Variants in PRPSAP1 observed in about 807,000 individuals in gnomAD.
PRPSAP1 encodes the protein phosphoribosyl pyrophosphate synthase-associated protein 1.
Under a neutral mutation model 39.4 loss-of-function variants are expected in PRPSAP1, and 31 were observed. The observed-to-expected ratio is 0.79, with a 90% confidence interval of 0.59 to 1.06. PRPSAP1 has a LOEUF of 1.06. Ranked by LOEUF, PRPSAP1 falls within the 50% of genes least tolerant of loss-of-function variation. The pLI is 0.00. For missense variants in PRPSAP1, 430 were observed against 511.6 expected, an observed-to-expected ratio of 0.84 and a Z score of 1.54; for synonymous variants, 212 against 192.6, an observed-to-expected ratio of 1.10 and a Z score of -0.83.
At chr17:76,325,161 G>C (rs1414758707) in intron 7 of PRPSAP1, among the ~76,000 whole-genome samples, 1 of 150,440 alleles carries the variant, frequency 6.6e-6, no homozygotes, top group Non-Finnish European at 1.5e-5. Flanking sequence ...TGTAATCCCA[G>C]CACTTTGGGA....
intron 7 of PRPSAP1, among the ~76,000 whole-genome samples, chr17:76,326,965 T>C (rs1358250213): frequency 3.9e-5 from 6 of 152,132 alleles, no homozygotes; most frequent in African/African-American, 1.4e-4. Context: ...AATGTTAAAT[T>C]TGGGGACTCC....
At chr17:76,330,158 C>T (rs1199713779) in intron 5 of PRPSAP1, 60 bp from the exon 6 acceptor site, 3 of 1,455,556 alleles carry the variant, frequency 2.1e-6, no homozygotes, top group Non-Finnish European at 2.9e-6. Flanking sequence ...CACCTGGATG[C>T]TGGTATTCAA....
In PRPSAP1 at chr17:76,332,316, C is replaced by T. The variant is rs748675047; in HGVS notation, c.410G>A (p.Arg137Lys). The change falls in exon 4 of 10, where the codon AGG (arginine) becomes AAG (lysine). Residue 137 changes from arginine to lysine, a missense_variant. Transcript: ENST00000446526. ...YFPYSKQSKM[R>K]KRGSIVCKLL... ...CTTGCACACAATGGAACCCCTCTTC[C>T]TCATCTTGCTCTGCTTGCTGTAGGG... The T allele has an allele frequency of 1.9e-5, 31 of 1,614,048 alleles. No homozygotes were observed. Among genetic ancestry groups the T allele is most frequent in the Non-Finnish European group, 2.5e-5 (30 of 1,180,040 alleles).
At chr17:76,345,070 C>T (rs1349078877) in intron 2 of PRPSAP1, among the ~76,000 whole-genome samples, 3 of 151,506 alleles carry the variant, frequency 2.0e-5, no homozygotes, top group Non-Finnish European at 4.4e-5. Flanking sequence ...CCCGTCTCTA[C>T]TAAAAACACA....
At chr17:76,326,170 C>A (rs1292055856) in intron 7 of PRPSAP1, among the ~76,000 whole-genome samples, 1 of 151,996 alleles carries the variant, frequency 6.6e-6, no homozygotes, top group Admixed American at 6.6e-5. Context: ...TGAATCCATA[C>A]TGATATAAAT....
intron 7 of PRPSAP1, among the ~76,000 whole-genome samples, chr17:76,320,969 G>A (rs1392584134): frequency 2.0e-5 from 3 of 151,292 alleles, no homozygotes; most frequent in African/African-American, 7.3e-5. Flanking sequence ...TTTTTGTAGA[G>A]ACAAGGTTTC....
chr17:76,325,234 G>C (rs1460900092), intron 7 of PRPSAP1, among the ~76,000 whole-genome samples: 1 of 150,672 alleles, frequency 6.6e-6, no homozygotes, highest in Non-Finnish European at 1.5e-5. Context: ...TCGGTGAAAT[G>C]CCGTCTCTAC....
rs2071065795 is a variant in PRPSAP1, at chr17:76,311,058, G to A, written c.*484C>T. ...ATGCTTCATTTTTCAATGGCTGTAG[G>A]CATAACAATTTCTGAAAGAAAAATA... On this transcript the variant is annotated 3_prime_UTR_variant, in exon 10 of 10. Coordinates refer to ENST00000446526, the MANE Select transcript of PRPSAP1 (RefSeq NM_002766.3). 6.6e-6 allele frequency: 1 copy of A among 152,248 alleles called. No homozygotes were observed. Among genetic ancestry groups the A allele is most frequent in the African/African-American group, 2.4e-5 (1 of 41,420 alleles). 9.4% of individuals were successfully genotyped at this position (152,248 alleles called of 1,614,324 possible).
intron 7 of PRPSAP1, among the ~76,000 whole-genome samples, chr17:76,315,726 T>G (rs1042091579): frequency 8.0e-6 from 1 of 124,632 alleles, no homozygotes; most frequent in Non-Finnish European, 1.7e-5. Context: ...TTTTTTTTTT[T>G]TTTCTTGAGA....
intron 7 of PRPSAP1, among the ~76,000 whole-genome samples, chr17:76,318,201 G>A (rs1453859137): frequency 6.6e-6 from 1 of 152,160 alleles, no homozygotes; most frequent in Non-Finnish European, 1.5e-5. Flanking sequence ...TGTAATTCCA[G>A]CACTTTTAGA....
At chr17:76,341,371 C>G (rs2143529737) in intron 3 of PRPSAP1, among the ~76,000 whole-genome samples, 1 of 151,690 alleles carries the variant, frequency 6.6e-6, no homozygotes, top group Middle Eastern at 3.4e-3. Context: ...CCGAGTAGCT[C>G]AGACTACAGG....
In PRPSAP1 at chr17:76,311,462, C is replaced by G. The variant is rs952283662; in HGVS notation, c.*80G>C. 6.8e-7 allele frequency: 1 copy of G among 1,470,466 alleles called. No homozygotes were observed. Among genetic ancestry groups the G allele is most frequent in the African/African-American group, 1.4e-5 (1 of 70,486 alleles). The allele number at this position is 1,470,466 out of a possible 1,614,324, so 91.1% of individuals were successfully genotyped here. On this transcript the variant is annotated 3_prime_UTR_variant, in exon 10 of 10. Coordinates refer to ENST00000446526, the MANE Select transcript of PRPSAP1 (RefSeq NM_002766.3). ...CCAGGCTGTTTCGAGTCCTCCCTTG[C>G]AAGGAAACACTGTATCACTCATGGC...
chr17:76,352,795 T>C (rs2071593103), intron 1 of PRPSAP1, among the ~76,000 whole-genome samples: 1 of 152,050 alleles, frequency 6.6e-6, no homozygotes, highest in Admixed American at 6.6e-5. Context: ...TTCTCAACCA[T>C]GCCCATTTCA....
In PRPSAP1 at chr17:76,328,661, C is replaced by CA. The variant is rs200666661; in HGVS notation, c.781+55dup. On this transcript the variant is annotated intron_variant, in intron 7 of 9. Coordinates refer to ENST00000446526, the MANE Select transcript of PRPSAP1 (RefSeq NM_002766.3). ...ACAACAACAAAACCAACAAAACCAACAAAAAAAAACTTTCTTCAATTTACA... is the reference window on the plus strand; with the variant it reads ...ACAACAACAAAACCAACAAAACCAACAAAAAAAAAACTTTCTTCAATTTACA... The CA allele has an allele frequency of 2.7e-3, 4,057 of 1,505,100 alleles. 58 individuals carry two copies. In the African/African-American group the frequency reaches 0.04, roughly 15 times the overall value. 93.2% of individuals were successfully genotyped at this position (1,505,100 alleles called of 1,614,324 possible).
chr17:76,337,719 C>T (rs1446589367), intron 3 of PRPSAP1, among the ~76,000 whole-genome samples: 1 of 152,210 alleles, frequency 6.6e-6, no homozygotes, highest in Non-Finnish European at 1.5e-5. Flanking sequence ...GATTCTCCCA[C>T]CTCAGCCTTC....
intron 7 of PRPSAP1, among the ~76,000 whole-genome samples, chr17:76,316,190 AAG>A (rs1389166305): frequency 2.0e-5 from 3 of 146,388 alleles, no homozygotes; most frequent in Admixed American, 6.7e-5. Flanking sequence ...AAAAAAAAAA[AAG>A]AAAAAAAAAA....
At chr17:76,316,460 T>C (rs186938018) in intron 7 of PRPSAP1, among the ~76,000 whole-genome samples, 2 of 152,260 alleles carry the variant, frequency 1.3e-5, no homozygotes, top group Admixed American at 1.3e-4. Flanking sequence ...GAACACATAA[T>C]CTGGTGGCTG....
chr17:76,328,405 T>C (rs1421621862), intron 7 of PRPSAP1, among the ~76,000 whole-genome samples: 1 of 152,058 alleles, frequency 6.6e-6, no homozygotes, highest in East Asian at 1.9e-4. Context: ...GGTCTGGAGT[T>C]TGAGACCAGC....
intron 7 of PRPSAP1, among the ~76,000 whole-genome samples, chr17:76,321,505 ACT>A (rs1239396321): frequency 1.3e-5 from 2 of 151,624 alleles, no homozygotes; most frequent in Non-Finnish European, 2.9e-5. Flanking sequence ...CCAGAGTGAA[ACT>A]CTGTCACACA....
Sources: gnomAD v4.1 joint callset for allele counts (sites outside exome capture counted in the v4.1 genomes callset) on GRCh38, gnomAD v4.1.1 for gene constraint, MANE v1.5 for transcripts, NCBI Gene and HGNC (gene_info 2026-07-23, HGNC 2026-07-21) for gene names.